The following ULK4 variants were observed in gnomAD, a reference collection of about 807,000 sequenced individuals.
ULK4 encodes inactive serine/threonine-protein kinase ULK4.
A neutral mutation model predicts 160.6 loss-of-function variants in ULK4; 133 were observed. The ratio of observed to expected loss-of-function variants is 0.83; its 90% CI spans 0.72 to 0.96. ULK4 has a LOEUF of 0.96. Among genes scored for constraint, ULK4 ranks in the 40% least tolerant of loss-of-function variants. ULK4 has a pLI of 0.00. For missense variants in ULK4, 1,580 were observed against 1,499.5 expected, an observed-to-expected ratio of 1.05 and a Z score of -0.89; for synonymous variants, 534 against 539.8, an observed-to-expected ratio of 0.99 and a Z score of 0.15.
chr3:41,603,246 T>C (rs1202440892), intron 31 of ULK4, among the ~76,000 whole-genome samples: 1 of 152,084 alleles, frequency 6.6e-6, no homozygotes, highest in Non-Finnish European at 1.5e-5. Context: ...TACATAATGA[T>C]AAAATAATAA....
At chr3:41,430,756 C>T (rs1282255354) in intron 34 of ULK4, among the ~76,000 whole-genome samples, 5 of 152,162 alleles carry the variant, frequency 3.3e-5, no homozygotes, top group Non-Finnish European at 7.4e-5. Flanking sequence ...AAAAGCCAAA[C>T]ATCATTATCA....
At chr3:41,747,431 T>C (rs1233866416) in intron 22 of ULK4, among the ~76,000 whole-genome samples, 1 of 151,872 alleles carries the variant, frequency 6.6e-6, no homozygotes, top group Non-Finnish European at 1.5e-5. Flanking sequence ...CTGGCCTAAA[T>C]GCAAAGCTGT....
chr3:41,855,687 T>C (rs1360873038), intron 17 of ULK4, among the ~76,000 whole-genome samples: 1 of 152,168 alleles, frequency 6.6e-6, no homozygotes, highest in African/African-American at 2.4e-5. Context: ...ATAGTAGAAA[T>C]ACAAAGGAAG....
At chr3:41,836,360 A>G (rs1222513232) in intron 17 of ULK4, among the ~76,000 whole-genome samples, 1 of 152,078 alleles carries the variant, frequency 6.6e-6, no homozygotes, top group African/African-American at 2.4e-5. Flanking sequence ...CTTAGTAGAG[A>G]CGGGGTTTTG....
chr3:41,567,852 T>C (rs2087837463), intron 31 of ULK4, among the ~76,000 whole-genome samples: 1 of 152,188 alleles, frequency 6.6e-6, no homozygotes, highest in Non-Finnish European at 1.5e-5. Flanking sequence ...TGAAATAACT[T>C]TAGCTTTATA....
intron 21 of ULK4, among the ~76,000 whole-genome samples, chr3:41,768,674 T>G (rs963987514): frequency 1.3e-5 from 2 of 152,212 alleles, no homozygotes; most frequent in African/African-American, 4.8e-5. Context: ...ACAACCTTGC[T>G]CAAATTACAG....
intron 22 of ULK4, among the ~76,000 whole-genome samples, chr3:41,721,756 C>T (rs1039852763): frequency 2.0e-5 from 3 of 151,880 alleles, no homozygotes; most frequent in African/African-American, 7.3e-5. Flanking sequence ...TCCCAGGATA[C>T]CCTACCAAAT....
chr3:41,873,410 A>G (rs2125694834), intron 17 of ULK4, among the ~76,000 whole-genome samples: 1 of 152,240 alleles, frequency 6.6e-6, no homozygotes, highest in South Asian at 2.1e-4. Context: ...AGACAGTCTT[A>G]AAGTATTACT....
chr3:41,826,041 T>C (rs1202431516), intron 18 of ULK4, among the ~76,000 whole-genome samples: 1 of 152,182 alleles, frequency 6.6e-6, no homozygotes, highest in Non-Finnish European at 1.5e-5. Context: ...AACCCAGAAT[T>C]TCATATCCAG....
At position 41,506,767 on chromosome 3, in the gene ULK4, A is replaced by AAAAAAAAAAAAATATAT; in HGVS notation, c.3227-43515_3227-43514insATATATTTTTTTTTTTT. On this transcript the variant is annotated intron_variant, in intron 32 of 36. Transcript: ENST00000301831. ...AGCAATACACTGGAGTGTGATTTAA[A>AAAAAAAAAAAAATATAT]ATATATATATATATATATATATATA... is the stretch of plus-strand genomic sequence containing the variant. 8.8e-5 allele frequency among the ~76,000 whole-genome samples: 5 copies of AAAAAAAAAAAAATATAT among 56,766 alleles called. 2 individuals are homozygous for AAAAAAAAAAAAATATAT. Among genetic ancestry groups the AAAAAAAAAAAAATATAT allele is most frequent in the Admixed American group, 4.3e-4 (2 of 4,628 alleles). The allele number at this position is 56,766 out of a possible 152,430, so 37.2% of individuals were successfully genotyped here.
intron 31 of ULK4, among the ~76,000 whole-genome samples, chr3:41,578,146 A>C (rs1217529575): frequency 2.0e-5 from 3 of 152,224 alleles, no homozygotes; most frequent in Non-Finnish European, 2.9e-5. Context: ...AAGAGGTGAT[A>C]GTCATCTTAC....
At chr3:41,317,148 T>C (rs925151964) in intron 35 of ULK4, among the ~76,000 whole-genome samples, 5 of 141,224 alleles carry the variant, frequency 3.5e-5, no homozygotes, top group Non-Finnish European at 4.5e-5. Flanking sequence ...CAATCTCGGC[T>C]CACTGCAAGC....
chr3:41,556,392 A>G (rs2087300956), intron 32 of ULK4, among the ~76,000 whole-genome samples: 1 of 152,078 alleles, frequency 6.6e-6, no homozygotes, highest in Non-Finnish European at 1.5e-5. Flanking sequence ...CATTATTACT[A>G]CAGAAATAGA....
chr3:41,507,561 A>C (rs1037863435), intron 32 of ULK4, among the ~76,000 whole-genome samples: 1 of 149,892 alleles, frequency 6.7e-6, no homozygotes, highest in Non-Finnish European at 1.5e-5. Context: ...TGGGGAAAAC[A>C]CTTTTCTTCC....
intron 30 of ULK4, among the ~76,000 whole-genome samples, chr3:41,624,927 G>A (rs1319867258): frequency 6.6e-6 from 1 of 152,038 alleles, no homozygotes; most frequent in South Asian, 2.1e-4. Context: ...AGACATCAAG[G>A]TGGACTTTCT....
intron 35 of ULK4, among the ~76,000 whole-genome samples, chr3:41,318,946 A>C (rs2080196450): frequency 6.6e-6 from 1 of 152,212 alleles, no homozygotes; most frequent in Non-Finnish European, 1.5e-5. Context: ...TTCTAAAAAG[A>C]ACTACGGTAT....
chr3:41,912,505 A>C (rs1036514289), intron 9 of ULK4, among the ~76,000 whole-genome samples: 1 of 152,162 alleles, frequency 6.6e-6, no homozygotes, highest in Non-Finnish European at 1.5e-5. Context: ...ACCTAACATA[A>C]AGAGGAGAAA....
At chr3:41,914,119 TAA>T (rs1271090525) in intron 8 of ULK4, among the ~76,000 whole-genome samples, 1 of 152,186 alleles carries the variant, frequency 6.6e-6, no homozygotes, top group Non-Finnish European at 1.5e-5. Flanking sequence ...TTCAAAAGAT[TAA>T]GTTTCACTAC....
intron 21 of ULK4, among the ~76,000 whole-genome samples, chr3:41,761,007 A>C (rs2125906423): frequency 6.6e-6 from 1 of 152,372 alleles, no homozygotes; most frequent in South Asian, 2.1e-4. Context: ...GATTATATGC[A>C]GTATGATTCC....
Sources: allele counts gnomAD v4.1 joint callset (sites outside exome capture counted in the v4.1 genomes callset), GRCh38; gene constraint gnomAD v4.1.1; transcripts MANE v1.5; gene names NCBI Gene and HGNC (gene_info 2026-07-23, HGNC 2026-07-21).